MYH13: variants seen among roughly 807,000 people sequenced by gnomAD.
MYH13 encodes the protein myosin heavy chain 13, also known as myosin-13.
MYH13 carries 177 observed loss-of-function variants against 232.1 expected under a neutral mutation model. The ratio of observed to expected loss-of-function variants is 0.76; its 90% CI spans 0.67 to 0.86. The LOEUF (loss-of-function observed/expected upper bound fraction) is 0.86, where lower values mean the gene tolerates loss of function less well. Among genes scored for constraint, MYH13 ranks in the 40% least tolerant of loss-of-function variants. MYH13 has a pLI of 0.00. For missense variants in MYH13, 2,246 were observed against 2,405.9 expected, an observed-to-expected ratio of 0.93 and a Z score of 1.39; for synonymous variants, 884 against 923.5, an observed-to-expected ratio of 0.96 and a Z score of 0.78.
chr17:10,328,678 GT>G (rs34649785), intron 21 of MYH13, among the ~76,000 whole-genome samples: 6,804 of 127,824 alleles, frequency 0.053, 309 homozygotes, highest in African/African-American at 0.15. Context: ...TTTTCTATTC[GT>G]TTTTTTTTTT....
rs2071739093 is a variant in MYH13 at position 10,355,078 on chromosome 17, A to T, written c.802+6T>A. ...ACCAACGGATTTATAGAGTGTTTGG[A>T]CTCACAAGTTTCGATGTCTGCCGAT... On this transcript the variant is annotated splice_donor_region_variant and intron_variant, in intron 9 of 40. Transcript: ENST00000252172. 1 of 1,604,930 alleles carries T rather than the reference A, an allele frequency of 6.2e-7. No homozygotes were observed. The highest frequency in any genetic ancestry group is 8.5e-7 in the Non-Finnish European group (1 of 1,175,102).
intron 33 of MYH13, among the ~76,000 whole-genome samples, chr17:10,310,586 A>G (rs1029193548): frequency 5.3e-4 from 80 of 152,162 alleles, no homozygotes; most frequent in African/African-American, 1.7e-3. Context: ...TATTGAGGGT[A>G]TCTATTATAA....
At position 10,327,939 on chromosome 17, in the gene MYH13, C is replaced by G; in HGVS notation, c.2618G>C (p.Arg873Pro). The change falls in exon 22 of 41, where the codon CGC (arginine) becomes CCC (proline). Residue 873 changes from arginine to proline, a missense_variant. By Grantham distance (103) the Arg-to-Pro change is moderately radical. Transcript: ENST00000252172. ...CATTTTCTCCTCCAGCTCCTTCCGG[C>G]GAGCCTCAGATCGGGCCAGTTCTTC... ...TKEELARSEA[R>P]RKELEEKMVS... 2 of 1,613,788 alleles carry G rather than the reference C, an allele frequency of 1.2e-6. No homozygotes were observed. Among genetic ancestry groups the G allele is most frequent in the African/African-American group, 1.3e-5 (1 of 75,026 alleles).
At position 10,324,225 on chromosome 17, in the gene MYH13, C is replaced by A; in HGVS notation, c.2731G>T (p.Gly911Ter). 6.2e-7 allele frequency: 1 copy of A among 1,613,882 alleles called. No homozygotes were observed. Among genetic ancestry groups the A allele is most frequent in the Non-Finnish European group, 8.5e-7 (1 of 1,179,862 alleles). ...AGTAGGATCTTGCTTTTGATGAGTC[C>A]TTCACACCGTTCCTCAGCGTCCATC... ...NLMDAEERCE[G>*]LIKSKILLEA... The change falls in exon 23 of 41, where the codon GGA becomes TGA. Residue 911 changes from glycine to a stop codon, truncating the protein, a stop_gained. Coordinates refer to ENST00000252172, the MANE Select transcript of MYH13 (RefSeq NM_003802.3). LOFTEE classifies it high-confidence loss of function.
chr17:10,332,130 T>A lies in MYH13; in HGVS notation c.2267A>T (p.Asp756Val). Residue 756 changes from aspartate (D) to valine (V), a missense_variant, in exon 20 of 41, where the codon GAC (aspartate) becomes GTC (valine). By Grantham distance (152) the Asp-to-Val change is radical. Coordinates refer to ENST00000252172, the MANE Select transcript of MYH13 (RefSeq NM_003802.3). ...GTTGCCGAACCTGAACTGCTCCCGG[T>A]CCACATCGATGGAGTTGAGGAGCTT... ...SEKLLNSIDVDREQFRFGNTK... is the reference protein window; with the variant it reads ...SEKLLNSIDVVREQFRFGNTK... The A allele has an allele frequency of 6.2e-7, 1 of 1,613,974 alleles. No individual in the cohort carries two copies. The highest frequency in any genetic ancestry group is 2.2e-5 in the East Asian group (1 of 44,882).
At chr17:10,359,556 C>CAA (rs2071775091) in intron 7 of MYH13, among the ~76,000 whole-genome samples, 1 of 152,132 alleles carries the variant, frequency 6.6e-6, no homozygotes, top group Admixed American at 6.5e-5. Flanking sequence ...AGGTAATTAC[C>CAA]AAACCTGAGA....
At chr17:10,344,701 G>GTCCCAACT in intron 15 of MYH13, among the ~76,000 whole-genome samples, 1 of 151,272 alleles carries the variant, frequency 6.6e-6, no homozygotes, top group Non-Finnish European at 1.5e-5. Context: ...GGCACCTGTA[G>GTCCCAACT]TCCCAACTAT....
At chr17:10,331,260 C>A (rs988840404) in intron 20 of MYH13, among the ~76,000 whole-genome samples, 5 of 152,162 alleles carry the variant, frequency 3.3e-5, no homozygotes, top group African/African-American at 1.2e-4. Flanking sequence ...TTCGCCCACT[C>A]CCTCCATAAC....
intron 33 of MYH13, among the ~76,000 whole-genome samples, chr17:10,310,194 G>A (rs1160888537): frequency 6.6e-6 from 1 of 151,164 alleles, no homozygotes. Flanking sequence ...GGGTTCAAGC[G>A]ATTCTCCTGC....
intron 22 of MYH13, 81 bp from the exon 23 acceptor site, chr17:10,324,345 T>C: frequency 6.5e-7 from 1 of 1,548,618 alleles, no homozygotes; most frequent in Non-Finnish European, 8.8e-7. Context: ...TCTAAAAGCT[T>C]ATTATCTACA....
chr17:10,303,358 T>C, intron 38 of MYH13, 36 bp downstream of exon 38: 1 of 1,612,652 alleles, frequency 6.2e-7, no homozygotes, highest in Non-Finnish European at 8.5e-7. Context: ...GCTTGGTCCA[T>C]ACAGCATTCA....
chr17:10,336,815 G>A (rs12939209), intron 18 of MYH13, among the ~76,000 whole-genome samples: 96,157 of 151,852 alleles, frequency 0.63, 30,860 homozygotes, highest in East Asian at 0.69. Flanking sequence ...AATGACCCTC[G>A]AGGCTCTGGC....
intron 11 of MYH13, among the ~76,000 whole-genome samples, chr17:10,353,564 T>A (rs550971187): frequency 6.6e-6 from 1 of 152,240 alleles, no homozygotes; most frequent in South Asian, 2.1e-4. Context: ...CAGACCTGTG[T>A]TTAAATACTC....
chr17:10,327,355 A>G (rs1907252195), intron 22 of MYH13, among the ~76,000 whole-genome samples: 1 of 151,454 alleles, frequency 6.6e-6, no homozygotes, highest in Non-Finnish European at 1.5e-5. Flanking sequence ...CATGATACCC[A>G]GGCTGGTCTT....
At chr17:10,367,343 A>G (rs1337673000) in intron 2 of MYH13, among the ~76,000 whole-genome samples, 1 of 152,160 alleles carries the variant, frequency 6.6e-6, no homozygotes, top group East Asian at 1.9e-4. Flanking sequence ...CATTAACATA[A>G]ACATTTTATT....
chr17:10,332,645 A>C (rs1005792186), intron 19 of MYH13, among the ~76,000 whole-genome samples: 2 of 152,100 alleles, frequency 1.3e-5, no homozygotes, highest in Admixed American at 6.6e-5. Flanking sequence ...GTTAGTCTAG[A>C]GCTGCGGGCC....
chr17:10,311,266 C>CTCCA, intron 32 of MYH13, 39 bp from the exon 33 acceptor site: 1 of 1,612,012 alleles, frequency 6.2e-7, no homozygotes, highest in Non-Finnish European at 8.5e-7. Flanking sequence ...TTTCAACAGG[C>CTCCA]TCCAGTTTAT....
intron 2 of MYH13, among the ~76,000 whole-genome samples, chr17:10,369,825 G>A (rs941394605): frequency 6.6e-6 from 1 of 152,096 alleles, no homozygotes; most frequent in Non-Finnish European, 1.5e-5. Flanking sequence ...ATACTTTTAG[G>A]CACAACTCTT....
At position 10,313,345 on chromosome 17, in the gene MYH13, C is replaced by T. The variant is rs530640003; in HGVS notation, c.3994G>A (p.Ala1332Thr). ...QMEEETKAKN[A>T]MAHALQSSRH... is the part of the protein sequence containing the mutation. ...GAGGACTGCAGGGCGTGCGCCATGG[C>T]GTTCTTGGCCTGGGAATGACAGCGG... Residue 1332 changes from alanine (A) to threonine (T), a missense_variant, in exon 30 of 41, where the codon GCC becomes ACC. Coordinates refer to ENST00000252172, the MANE Select transcript of MYH13 (RefSeq NM_003802.3). 3.8e-5 allele frequency: 61 copies of T among 1,614,242 alleles called. No homozygotes were observed. Among genetic ancestry groups the T allele is most frequent in the Non-Finnish European group, 4.8e-5 (57 of 1,180,040 alleles).
Sources: allele counts gnomAD v4.1 joint callset (sites outside exome capture counted in the v4.1 genomes callset), GRCh38; gene constraint gnomAD v4.1.1; transcripts MANE v1.5; gene names NCBI Gene and HGNC (gene_info 2026-07-23, HGNC 2026-07-21).